PADI1: variants seen among roughly 807,000 people sequenced by gnomAD.
The protein encoded by PADI1 is protein-arginine deiminase type-1.
PADI1 carries 65 observed loss-of-function variants against 74.8 expected under a neutral mutation model. The observed-to-expected ratio is 0.87, with a 90% CI of 0.71 to 1.07. The LOEUF is 1.07. PADI1 is among the 50% of genes least tolerant of loss of function. PADI1 has a pLI of 0.00. For missense variants in PADI1, 943 were observed against 854.0 expected (o/e 1.10, Z -1.30); for synonymous variants, 371 against 336.2 (o/e 1.10, Z -1.13).
At chr1:17,205,376 T>A (rs1557442861) in intron 1 of PADI1, 67 bp downstream of exon 1, 8 of 1,262,088 alleles carry the variant, frequency 6.3e-6, no homozygotes, top group Admixed American at 1.8e-5. Context: ...ATGGGGTGGG[T>A]GCCTGGTAGA....
At position 17,244,513 on chromosome 1, in the gene PADI1, A is replaced by G. The variant is rs370791876; in HGVS notation, c.*270A>G. 3.6e-6 allele frequency: 2 copies of G among 550,272 alleles called. No homozygotes were observed. The highest frequency in any genetic ancestry group is 3.7e-5 in the African/African-American group (2 of 53,534). The allele number at this position is 550,272 out of a possible 1,614,324, so 34.1% of individuals were successfully genotyped here. On this transcript the variant is annotated 3_prime_UTR_variant, in exon 16 of 16. Coordinates refer to ENST00000375471, the MANE Select transcript of PADI1 (RefSeq NM_013358.3). Reference sequence around the variant, plus strand: ...GAGGCTCTAGATCAACAATGTTAGCATGTTCCAGAATGGCTGTGGGAGGCC... The same window carrying G: ...GAGGCTCTAGATCAACAATGTTAGCGTGTTCCAGAATGGCTGTGGGAGGCC...
intron 1 of PADI1, among the ~76,000 whole-genome samples, chr1:17,213,373 C>A (rs1181015528): frequency 7.9e-5 from 12 of 152,198 alleles, no homozygotes; most frequent in African/African-American, 2.7e-4. Flanking sequence ...ATCAGTACTG[C>A]ACAAAGCCCT....
At chr1:17,213,538 C>T (rs1367789953) in intron 1 of PADI1, among the ~76,000 whole-genome samples, 1 of 152,200 alleles carries the variant, frequency 6.6e-6, no homozygotes, top group Non-Finnish European at 1.5e-5. Context: ...AATCTGCTTT[C>T]CTTTACACAC....
chr1:17,223,792 C>A, intron 3 of PADI1, 99 bp downstream of exon 3: 1 of 954,372 alleles, frequency 1.0e-6, no homozygotes, highest in East Asian at 2.6e-5. Context: ...GACCCATGGC[C>A]AGCTTCCTCC....
chr1:17,215,987 C>T (rs751022020), intron 1 of PADI1, among the ~76,000 whole-genome samples: 1 of 152,124 alleles, frequency 6.6e-6, no homozygotes, highest in African/African-American at 2.4e-5. Context: ...AAGAAGGGTA[C>T]ATCAGAAAGG....
At chr1:17,235,429 T>C (rs1371825217) in intron 11 of PADI1, among the ~76,000 whole-genome samples, 1 of 152,080 alleles carries the variant, frequency 6.6e-6, no homozygotes, top group Non-Finnish European at 1.5e-5. Flanking sequence ...GGGTGGCATG[T>C]AGATGGGCAG....
intron 1 of PADI1, among the ~76,000 whole-genome samples, chr1:17,211,290 AC>A (rs1480205870): frequency 1.3e-5 from 2 of 151,520 alleles, no homozygotes; most frequent in African/African-American, 4.9e-5. Context: ...GCTCACTGCA[AC>A]CTCCGCCTCC....
At position 17,244,350 on chromosome 1, in the gene PADI1, C is replaced by G; in HGVS notation, c.*107C>G. 2.4e-6 allele frequency: 2 copies of G among 840,122 alleles called. No individual in the cohort carries two copies. Among genetic ancestry groups the G allele is most frequent in the East Asian group, 5.1e-5 (2 of 39,048 alleles). The allele number at this position is 840,122 out of a possible 1,614,324, so 52.0% of individuals were successfully genotyped here. On this transcript the variant is annotated 3_prime_UTR_variant, in exon 16 of 16. Coordinates refer to ENST00000375471, the MANE Select transcript of PADI1 (RefSeq NM_013358.3). ...CCATTCTCTTGGGGGAGTCTTGGCA[C>G]TTTGCAAACATCCTGGCCACCATGG...
At chr1:17,235,576 A>T (rs1016130175) in intron 11 of PADI1, among the ~76,000 whole-genome samples, 2 of 151,940 alleles carry the variant, frequency 1.3e-5, no homozygotes, top group African/African-American at 4.8e-5. Context: ...TGGGCTCAGG[A>T]GCAGAGAGCT....
At chr1:17,242,210 C>T (rs1051074325) in intron 15 of PADI1, among the ~76,000 whole-genome samples, 1 of 152,190 alleles carries the variant, frequency 6.6e-6, no homozygotes, top group Non-Finnish European at 1.5e-5. Flanking sequence ...AGCACTCTCC[C>T]AGATGTGACA....
intron 14 of PADI1, chr1:17,240,416 G>A (rs544833861): frequency 7.8e-5 from 36 of 463,502 alleles, no homozygotes; most frequent in Non-Finnish European, 1.2e-4. Flanking sequence ...GCCTGGGTTC[G>A]AACCCCAGCT....
At chr1:17,206,338 C>T (rs4376784) in intron 1 of PADI1, among the ~76,000 whole-genome samples, 20,246 of 152,234 alleles carry the variant, frequency 0.13, 1,509 homozygotes, top group Middle Eastern at 0.17. Flanking sequence ...ATCCTCTGCT[C>T]GAGAAGCCCT....
At chr1:17,220,424 C>T (rs538499908) in intron 1 of PADI1, among the ~76,000 whole-genome samples, 50 of 151,940 alleles carry the variant, frequency 3.3e-4, no homozygotes, top group South Asian at 1.2e-3. Flanking sequence ...AGGATGAAGG[C>T]GGGAGAATAT....
intron 6 of PADI1, among the ~76,000 whole-genome samples, chr1:17,227,664 C>T (rs927516378): frequency 6.6e-6 from 1 of 152,214 alleles, no homozygotes; most frequent in African/African-American, 2.4e-5. Context: ...TCCCCTTCAC[C>T]CTTCGCTGTT....
chr1:17,225,325 G>A (rs940412685), intron 4 of PADI1, among the ~76,000 whole-genome samples: 8 of 152,174 alleles, frequency 5.3e-5, no homozygotes, highest in Non-Finnish European at 1.5e-5. Context: ...CATGTTTCCC[G>A]ACTTGGCTCA....
intron 8 of PADI1, 32 bp from the exon 9 acceptor site, chr1:17,230,053 T>G: frequency 6.2e-7 from 1 of 1,601,496 alleles, no homozygotes; most frequent in Non-Finnish European, 8.5e-7. Flanking sequence ...TCAGAGGCCA[T>G]TAGCATGCTC....
At chr1:17,223,285 A>G (rs1318079254) in intron 2 of PADI1, among the ~76,000 whole-genome samples, 3 of 152,150 alleles carry the variant, frequency 2.0e-5, no homozygotes. Context: ...AGGAGCTGAG[A>G]GACTTGCCTA....
chr1:17,226,145 C>T lies in PADI1; in HGVS notation c.639C>T (p.Val213=). 3 of 1,614,176 alleles carry T rather than the reference C, an allele frequency of 1.9e-6. No homozygotes were observed. The highest frequency in any genetic ancestry group is 2.5e-6 in the Non-Finnish European group (3 of 1,180,000). The change falls in exon 6 of 16, where the codon GTC becomes GTT. Residue 213 remains valine (V), a synonymous_variant. Coordinates refer to ENST00000375471, the MANE Select transcript of PADI1 (RefSeq NM_013358.3). ...VPFSDSKRVR[V]FCARGGNSLS... ...TTTCTGATTCCAAAAGAGTGAGGGT[C>T]TTCTGTGCCAGGGGTGAGTGGCCTG...
At chr1:17,224,121 C>T (rs952069781) in intron 3 of PADI1, among the ~76,000 whole-genome samples, 1 of 152,202 alleles carries the variant, frequency 6.6e-6, no homozygotes, top group Non-Finnish European at 1.5e-5. Context: ...CCCAAAGCCA[C>T]CAAGAGCTAG....
Sources: allele counts gnomAD v4.1 joint callset (sites outside exome capture counted in the v4.1 genomes callset), GRCh38; gene constraint gnomAD v4.1.1; transcripts MANE v1.5; gene names NCBI Gene and HGNC (gene_info 2026-07-23, HGNC 2026-07-21).